GSE1: variants seen among roughly 807,000 people sequenced by gnomAD.
The protein encoded by GSE1 is genetic suppressor element 1.
A neutral mutation model predicts 112.6 loss-of-function variants in GSE1; 32 were observed. That is an observed-to-expected ratio of 0.28 (90% CI 0.21 to 0.38). GSE1 has a LOEUF of 0.38. Among genes scored for constraint, GSE1 ranks in the 10% least tolerant of loss-of-function variants. The pLI, the probability that GSE1 is intolerant of heterozygous loss-of-function variation, is 1.00. For synonymous variants in GSE1, 1,115 were observed against 735.6 expected (o/e 1.52, Z -8.35); for missense variants, 2,348 against 1,699.2 (o/e 1.38, Z -6.71).
chr16:85,229,063 A>C (rs1049736115), intron 1 of GSE1, among the ~76,000 whole-genome samples: 7 of 152,222 alleles, frequency 4.6e-5, no homozygotes, highest in African/African-American at 1.7e-4. Flanking sequence ...ACCAAGGAGG[A>C]AACACATCCG....
chr16:85,386,562 G>A (rs1411159782), intron 2 of GSE1, among the ~76,000 whole-genome samples: 1 of 152,226 alleles, frequency 6.6e-6, no homozygotes, highest in Non-Finnish European at 1.5e-5. Flanking sequence ...TGTCATAGTG[G>A]TGGCTCAGAG....
At position 85,518,157 on chromosome 16, in the gene GSE1, C is replaced by T. The variant is rs565506362; in HGVS notation, c.2465-115757C>T. ...GCTGCTGCCACGGCCCCGCCATCCC[C>T]GGCCACCCAGACATCTGTGCCTGCA... On this transcript the variant is annotated intron_variant, in intron 2 of 2. Coordinates refer to the GSE1 transcript ENST00000637419. Among the ~76,000 whole-genome samples the T allele has an allele frequency of 3.3e-5, 5 of 152,368 alleles. No individual in the cohort carries two copies. The East Asian group carries it at 7.7e-4, about 24-fold the overall frequency.
At chr16:85,249,545 G>A (rs1203414919) in intron 1 of GSE1, among the ~76,000 whole-genome samples, 2 of 152,310 alleles carry the variant, frequency 1.3e-5, no homozygotes, top group South Asian at 2.1e-4. Context: ...TGCTGCCAGC[G>A]CCAGCACCAG....
At chr16:85,477,903 C>T (rs182025468) in intron 2 of GSE1, among the ~76,000 whole-genome samples, 1 of 152,110 alleles carries the variant, frequency 6.6e-6, no homozygotes, top group Admixed American at 6.5e-5. Flanking sequence ...ATGAAGTTCT[C>T]ATATCATGCA....
intron 2 of GSE1, among the ~76,000 whole-genome samples, chr16:85,377,768 T>C (rs2047452087): frequency 6.6e-6 from 1 of 152,172 alleles, no homozygotes; most frequent in African/African-American, 2.4e-5. Context: ...TTTGTAAACA[T>C]GGGCAGGGTT....
At chr16:85,485,235 T>A (rs969638050) in intron 2 of GSE1, among the ~76,000 whole-genome samples, 1 of 152,230 alleles carries the variant, frequency 6.6e-6, no homozygotes, top group Non-Finnish European at 1.5e-5. Flanking sequence ...CACTCACGGT[T>A]TCCCGCGCCC....
chr16:85,610,188 C>G (rs111478582), upstream of GSE1, among the ~76,000 whole-genome samples: 2,278 of 152,316 alleles, frequency 0.015, 64 homozygotes, highest in African/African-American at 0.052. Flanking sequence ...TGGCACAAAG[C>G]ACAGTCCGTG....
chr16:85,586,954 T>A (rs975525603), intron 1 of GSE1, among the ~76,000 whole-genome samples: 1 of 152,154 alleles, frequency 6.6e-6, no homozygotes, highest in Non-Finnish European at 1.5e-5. Flanking sequence ...GATGGAGCTG[T>A]TTTGATTGCA....
chr16:85,464,627 G>A (rs190907706), intron 2 of GSE1, among the ~76,000 whole-genome samples: 11 of 152,314 alleles, frequency 7.2e-5, no homozygotes, highest in African/African-American at 1.9e-4. Flanking sequence ...ACGAAGCCTC[G>A]GGAATGTGCC....
intron 2 of GSE1, among the ~76,000 whole-genome samples, chr16:85,432,380 G>A (rs138054467): frequency 1.3e-5 from 2 of 152,332 alleles, no homozygotes; most frequent in African/African-American, 4.8e-5. Context: ...TCTCAGTAGC[G>A]TTCACTTCAC....
At chr16:85,600,776 C>A (rs535801039) in intron 1 of GSE1, among the ~76,000 whole-genome samples, 1 of 152,136 alleles carries the variant, frequency 6.6e-6, no homozygotes, top group Non-Finnish European at 1.5e-5. Flanking sequence ...CAGGACAAGA[C>A]GGCATGGTGC....
intron 2 of GSE1, among the ~76,000 whole-genome samples, chr16:85,452,817 C>A (rs377271629): frequency 1.3e-5 from 2 of 152,352 alleles, no homozygotes; most frequent in South Asian, 2.1e-4. Flanking sequence ...CTCCCCCGTT[C>A]GTTCTGTGAA....
intron 1 of GSE1, among the ~76,000 whole-genome samples, chr16:85,273,363 A>G (rs1025241650): frequency 3.3e-5 from 5 of 152,258 alleles, no homozygotes; most frequent in African/African-American, 9.6e-5. Flanking sequence ...CCAGATGTTC[A>G]TAACAGCATT....
At chr16:85,343,594 A>G (rs1273633823) in intron 1 of GSE1, among the ~76,000 whole-genome samples, 1 of 152,060 alleles carries the variant, frequency 6.6e-6, no homozygotes, top group Admixed American at 6.6e-5. Flanking sequence ...ACAAAAAATA[A>G]ATAATTAGCA....
chr16:85,639,210 C>G (rs2050243410), intron 2 of GSE1, among the ~76,000 whole-genome samples: 1 of 152,234 alleles, frequency 6.6e-6, no homozygotes, highest in Non-Finnish European at 1.5e-5. Flanking sequence ...GCCGCCCAGC[C>G]CTCCCTTCGA....
rs1363448345 is a variant in GSE1, at chr16:85,311,212, G to A, written c.2284-46251G>A. Among the ~76,000 whole-genome samples, 2 of 152,214 alleles carry A rather than the reference G, an allele frequency of 1.3e-5. No homozygotes were observed. Among genetic ancestry groups the A allele is most frequent in the African/African-American group, 2.4e-5 (1 of 41,470 alleles). On this transcript the variant is annotated intron_variant, in intron 1 of 2. Coordinates refer to the GSE1 transcript ENST00000637419. This position sits in a 1 kb window ranked among gnomAD's most constrained non-coding sequence, Gnocchi z 4.2. ...AGGGTGCCCCCAGCAGAAGAGCTGA[G>A]ACTTGAATCCCATGGCACTGATGTG...
intron 2 of GSE1, among the ~76,000 whole-genome samples, chr16:85,496,323 C>T (rs909965987): frequency 2.0e-5 from 3 of 152,294 alleles, no homozygotes; most frequent in Admixed American, 6.5e-5. Flanking sequence ...CAGGTTTATG[C>T]TGCGTGAGCG....
chr16:85,382,803 C>G (rs1330590155), intron 2 of GSE1, among the ~76,000 whole-genome samples: 1 of 151,822 alleles, frequency 6.6e-6, no homozygotes, highest in East Asian at 1.9e-4. Context: ...CACATGCACA[C>G]ACACTCATAC....
chr16:85,397,575 C>G (rs1002739297), intron 2 of GSE1, among the ~76,000 whole-genome samples: 1 of 152,230 alleles, frequency 6.6e-6, no homozygotes, highest in Non-Finnish European at 1.5e-5. Flanking sequence ...GTTGAGTTCA[C>G]GAGGTTCCAA....
Sources: allele counts gnomAD v4.1 joint callset (sites outside exome capture counted in the v4.1 genomes callset), GRCh38; gene constraint gnomAD v4.1.1; non-coding constraint Gnocchi (gnomAD v3.1); transcripts MANE v1.5; gene names NCBI Gene and HGNC (gene_info 2026-07-23, HGNC 2026-07-21).